PDE1A: variants seen among roughly 807,000 people sequenced by gnomAD.
The protein encoded by PDE1A is dual specificity calcium/calmodulin-dependent 3',5'-cyclic nucleotide phosphodiesterase 1A.
A neutral mutation model predicts 61.7 loss-of-function variants in PDE1A; 35 were observed. The observed-to-expected ratio is 0.57, with a 90% CI of 0.43 to 0.75. The LOEUF is 0.75. Ranked by LOEUF, PDE1A falls within the 30% of genes least tolerant of loss-of-function variation. The probability of loss-of-function intolerance (pLI) is 0.00; values close to 1 mark genes in which losing one functional copy is unlikely to be tolerated. For synonymous variants in PDE1A, 232 were observed against 213.2 expected, an observed-to-expected ratio of 1.09 and a Z score of -0.77; for missense variants, 597 against 630.6, an observed-to-expected ratio of 0.95 and a Z score of 0.57.
intron 1 of PDE1A, among the ~76,000 whole-genome samples, chr2:182,422,690 CAAAT>C (rs2125589280): frequency 6.6e-6 from 1 of 151,990 alleles, no homozygotes; most frequent in African/African-American, 2.4e-5. Flanking sequence ...TATTAAAACA[CAAAT>C]TAATGAATAT....
At chr2:182,381,351 T>C (rs1217814153) in intron 1 of PDE1A, among the ~76,000 whole-genome samples, 2 of 152,140 alleles carry the variant, frequency 1.3e-5, no homozygotes, top group Non-Finnish European at 2.9e-5. Flanking sequence ...AATTCACTGT[T>C]GGGATATCTA....
At chr2:182,590,942 T>A in the PDE1A span, among the ~76,000 whole-genome samples, 3 of 152,222 alleles carry the variant, frequency 2.0e-5, no homozygotes, top group Admixed American at 6.5e-5. Flanking sequence ...GCAAGCCCTG[T>A]GTCTATTTTT....
At chr2:182,534,963 A>G in the PDE1A span, among the ~76,000 whole-genome samples, 1 of 152,084 alleles carries the variant, frequency 6.6e-6, no homozygotes, top group African/African-American at 2.4e-5. Context: ...GTGTTTAAAT[A>G]AAAAACACAC....
chr2:182,177,300 T>C (rs62192132), intron 13 of PDE1A, among the ~76,000 whole-genome samples: 9,488 of 152,154 alleles, frequency 0.062, 361 homozygotes, highest in Middle Eastern at 0.095. Flanking sequence ...AATTCGGCTG[T>C]GAATCCATCT....
At chr2:182,465,341 A>G (rs180694909) in intron 2 of PDE1A, among the ~76,000 whole-genome samples, 1 of 152,240 alleles carries the variant, frequency 6.6e-6, no homozygotes, top group Non-Finnish European at 1.5e-5. Flanking sequence ...CATACAAAAG[A>G]ATTGGAATTT....
At chr2:182,440,887 G>A (rs1684748126) in intron 2 of PDE1A, among the ~76,000 whole-genome samples, 1 of 151,916 alleles carries the variant, frequency 6.6e-6, no homozygotes, top group Middle Eastern at 3.4e-3. Flanking sequence ...TAAGCACTGA[G>A]TAATAACAGT....
chr2:182,411,329 T>C (rs1331362965), intron 1 of PDE1A, among the ~76,000 whole-genome samples: 4 of 152,242 alleles, frequency 2.6e-5, no homozygotes, highest in African/African-American at 9.6e-5. Context: ...TTGCACACAC[T>C]GTTGCATGTA....
chr2:182,691,030 G>C, the PDE1A span, among the ~76,000 whole-genome samples: 507 of 152,208 alleles, frequency 3.3e-3, 4 homozygotes, highest in African/African-American at 0.012. Context: ...AAATAAAAGA[G>C]GACACAAACA....
chr2:182,146,693 C>T (rs571726797), downstream of PDE1A, among the ~76,000 whole-genome samples: 13 of 152,188 alleles, frequency 8.5e-5, no homozygotes, highest in South Asian at 2.5e-3. Flanking sequence ...ACTATGTTGG[C>T]CGGGCTGGTC....
In PDE1A at chr2:182,381,939, CAT is replaced by C. The variant is rs1440886171; in HGVS notation, c.53+44637_53+44638del. On this transcript the variant is annotated intron_variant, in intron 1 of 13. Coordinates refer to ENST00000351439, the Ensembl canonical transcript of PDE1A. ...AAACATAGTCATTGTTTCTGGATCA[CAT>C]GTGTTTTTCACTAATCCCTAAATTA... 2.0e-5 allele frequency among the ~76,000 whole-genome samples: 3 copies of C among 151,918 alleles called. No homozygotes were observed. The East Asian group carries it at 5.8e-4, about 29-fold the overall frequency.
chr2:182,680,905 C>A, the PDE1A span, among the ~76,000 whole-genome samples: 1 of 152,200 alleles, frequency 6.6e-6, no homozygotes, highest in Non-Finnish European at 1.5e-5. Flanking sequence ...CTTATTTATA[C>A]CTACTTTCAA....
chr2:182,337,960 G>T (rs1385571829), intron 1 of PDE1A, among the ~76,000 whole-genome samples: 2 of 152,118 alleles, frequency 1.3e-5, no homozygotes, highest in African/African-American at 4.8e-5. Flanking sequence ...GAGCCATTAG[G>T]TCTATATCAC....
At chr2:182,604,827 T>C in the PDE1A span, among the ~76,000 whole-genome samples, 1 of 152,218 alleles carries the variant, frequency 6.6e-6, no homozygotes, top group Non-Finnish European at 1.5e-5. Flanking sequence ...TTCATGATTG[T>C]TACTCTTTTT....
At chr2:182,575,954 T>C in the PDE1A span, among the ~76,000 whole-genome samples, 1 of 146,888 alleles carries the variant, frequency 6.8e-6, no homozygotes, top group South Asian at 2.1e-4. Flanking sequence ...TATATTATAA[T>C]ATATATTATT....
At chr2:182,147,817 T>C (rs1401454184) in intron 13 of PDE1A, among the ~76,000 whole-genome samples, 3 of 152,190 alleles carry the variant, frequency 2.0e-5, no homozygotes, top group African/African-American at 4.8e-5. Flanking sequence ...ACTTGAAATA[T>C]CTTGAGAGTT....
At chr2:182,644,485 T>C in the PDE1A span, among the ~76,000 whole-genome samples, 72 of 152,034 alleles carry the variant, frequency 4.7e-4, no homozygotes, top group Admixed American at 9.2e-4. Context: ...TAGCAAAAAT[T>C]CTACATTAGA....
chr2:182,198,579 T>C, intron 10 of PDE1A, among the ~76,000 whole-genome samples: 1 of 151,950 alleles, frequency 6.6e-6, no homozygotes, highest in East Asian at 1.9e-4. Context: ...ATTTTGCATA[T>C]CTATAGGGTT....
the PDE1A span, among the ~76,000 whole-genome samples, chr2:182,641,400 C>G: frequency 6.6e-6 from 1 of 152,112 alleles, no homozygotes; most frequent in African/African-American, 2.4e-5. Flanking sequence ...TTAAGCTATT[C>G]CCCATATTTC....
chr2:182,301,745 T>C (rs903948413), intron 1 of PDE1A, among the ~76,000 whole-genome samples: 3 of 152,232 alleles, frequency 2.0e-5, no homozygotes, highest in Non-Finnish European at 4.4e-5. Context: ...GAGGAGCTCT[T>C]GGTGCCCCCA....
Sources: gnomAD v4.1 joint callset for allele counts (sites outside exome capture counted in the v4.1 genomes callset) on GRCh38, gnomAD v4.1.1 for gene constraint, MANE v1.5 for transcripts, NCBI Gene and HGNC (gene_info 2026-07-23, HGNC 2026-07-21) for gene names.